IMMP1L: variants seen among roughly 807,000 people sequenced by gnomAD.
IMMP1L encodes inner mitochondrial membrane peptidase subunit 1.
IMMP1L carries 24 observed loss-of-function variants against 21.8 expected under a neutral mutation model. The ratio of observed to expected loss-of-function variants is 1.10; its 90% CI spans 0.80 to 1.55. IMMP1L has a LOEUF of 1.55. Among genes scored for constraint, IMMP1L ranks in the 40% most tolerant of loss-of-function variants. IMMP1L has a pLI of 0.00. For missense variants in IMMP1L, 195 were observed against 200.7 expected, an observed-to-expected ratio of 0.97 and a Z score of 0.17; for synonymous variants, 46 against 62.8, an observed-to-expected ratio of 0.73 and a Z score of 1.26.
chr11:31,501,998 G>C (rs1241720111), intron 1 of IMMP1L, among the ~76,000 whole-genome samples: 1 of 151,090 alleles, frequency 6.6e-6, no homozygotes, highest in East Asian at 1.9e-4. Context: ...AAAAGAAAAA[G>C]AAATGAAAAT....
At position 31,506,658 on chromosome 11, in the gene IMMP1L, T is replaced by TAA. The variant is rs775050688; in HGVS notation, c.-30+2859_-30+2860dup. ...TTGGGAGCAAAGATTTTATCTTTGT[T>TAA]AAAAAAAAAAAAAAAAAAGGCGGCT... On this transcript the variant is annotated intron_variant, in intron 1 of 5. Transcript: ENST00000532287. Among the ~76,000 whole-genome samples, 499 of 125,204 alleles carry TAA rather than the reference T, an allele frequency of 4.0e-3. 1 individual carries two copies. The highest frequency in any genetic ancestry group is 0.013 in the African/African-American group (437 of 34,064). 82.1% of individuals were successfully genotyped at this position (125,204 alleles called of 152,430 possible). A position where few individuals can be genotyped will look rare whatever the true frequency, so the allele number is the denominator to read the frequency against.
chr11:31,451,562 C>T (rs968128636), intron 4 of IMMP1L, among the ~76,000 whole-genome samples: 73 of 152,084 alleles, frequency 4.8e-4, no homozygotes, highest in Admixed American at 4.4e-3. Context: ...ATGGGGTTTT[C>T]TTCCCCATAT....
intron 1 of IMMP1L, among the ~76,000 whole-genome samples, chr11:31,506,949 A>G (rs573335668): frequency 6.7e-6 from 1 of 149,440 alleles, no homozygotes; most frequent in Non-Finnish European, 1.5e-5. Context: ...ACAGAGCGAG[A>G]CTCCGTCTAA....
intron 1 of IMMP1L, among the ~76,000 whole-genome samples, chr11:31,478,702 G>A (rs554294343): frequency 6.6e-6 from 1 of 152,132 alleles, no homozygotes; most frequent in East Asian, 1.9e-4. Flanking sequence ...AAAACTCAGA[G>A]ATTTCATAAA....
intron 4 of IMMP1L, chr11:31,433,867 G>A: frequency 9.7e-6 from 2 of 206,974 alleles, no homozygotes; most frequent in Non-Finnish European, 1.9e-5. Context: ...AGTGTGACAG[G>A]GTCATTAATT....
Position 31,509,564 on chromosome 11 carries a change from G to T in IMMP1L, c.-75C>A, listed in dbSNP as rs1955929567. On this transcript the variant is annotated 5_prime_UTR_variant, in exon 1 of 6. Transcript: ENST00000532287. Reference sequence around the variant, plus strand: ...GGAGACCCTCAACCAGGACACAGGTGGGCCTTTCTCACCTGGGCCCCGCCG... The same window carrying T: ...GGAGACCCTCAACCAGGACACAGGTTGGCCTTTCTCACCTGGGCCCCGCCG... The T allele has an allele frequency of 1.7e-6, 1 of 585,710 alleles. No individual in the cohort carries two copies. The highest frequency in any genetic ancestry group is 1.9e-5 in the African/African-American group (1 of 53,638). 36.3% of individuals were successfully genotyped at this position (585,710 alleles called of 1,614,324 possible). A position where few individuals can be genotyped will look rare whatever the true frequency, so the allele number is the denominator to read the frequency against.
At chr11:31,454,893 T>G (rs2133623957) in intron 4 of IMMP1L, among the ~76,000 whole-genome samples, 1 of 152,332 alleles carries the variant, frequency 6.6e-6, no homozygotes, top group African/African-American at 2.4e-5. Flanking sequence ...GATGCTAAAG[T>G]AATTTAGAAG....
At chr11:31,487,926 T>C (rs1258898192) in intron 1 of IMMP1L, among the ~76,000 whole-genome samples, 1 of 152,184 alleles carries the variant, frequency 6.6e-6, no homozygotes, top group Non-Finnish European at 1.5e-5. Context: ...ATAGTTGCTT[T>C]TGTTGCATAC....
chr11:31,460,934 A>G (rs1148923), intron 2 of IMMP1L, among the ~76,000 whole-genome samples: 7 of 152,200 alleles, frequency 4.6e-5, no homozygotes, highest in Non-Finnish European at 8.8e-5. Context: ...TTGCTTTCAC[A>G]TTATAATGCC....
chr11:31,459,058 T>C (rs1954050079), intron 3 of IMMP1L, among the ~76,000 whole-genome samples: 1 of 152,130 alleles, frequency 6.6e-6, no homozygotes, highest in African/African-American at 2.4e-5. Flanking sequence ...TAATTTGATA[T>C]AAGTTAAAAA....
chr11:31,440,098 C>A (rs1199162632), intron 4 of IMMP1L, among the ~76,000 whole-genome samples: 2 of 152,166 alleles, frequency 1.3e-5, no homozygotes, highest in Non-Finnish European at 2.9e-5. Flanking sequence ...CTTAAGCATA[C>A]CTGTACCCTA....
chr11:31,481,200 C>T (rs1279550322), intron 1 of IMMP1L, among the ~76,000 whole-genome samples: 1 of 152,074 alleles, frequency 6.6e-6, no homozygotes, highest in East Asian at 1.9e-4. Context: ...TCTGTTTGTG[C>T]TGCTAAGCTT....
intron 2 of IMMP1L, among the ~76,000 whole-genome samples, chr11:31,462,316 CAA>C (rs777053056): frequency 6.4e-4 from 46 of 71,862 alleles, no homozygotes; most frequent in Non-Finnish European, 5.3e-4. Flanking sequence ...ACCCTGTCTC[CAA>C]AAAAAAAAAA....
intron 1 of IMMP1L, among the ~76,000 whole-genome samples, chr11:31,499,938 TTAAATAAATAAATAAATAAATAAATAAA>T (rs34485904): frequency 7.1e-6 from 1 of 140,140 alleles, no homozygotes; most frequent in African/African-American, 2.7e-5. Flanking sequence ...GGCTAACTTC[TTAAATAAATAAATAAATAAATAAATAAA>T]TAAATAAATA....
At chr11:31,490,109 T>C (rs866499131) in intron 1 of IMMP1L, among the ~76,000 whole-genome samples, 67 of 152,170 alleles carry the variant, frequency 4.4e-4, no homozygotes, top group African/African-American at 1.5e-3. Context: ...TGAGTAAATA[T>C]TGAGTAACCA....
intron 1 of IMMP1L, among the ~76,000 whole-genome samples, chr11:31,472,554 G>A (rs758611143): frequency 3.9e-5 from 6 of 152,010 alleles, no homozygotes; most frequent in Non-Finnish European, 7.4e-5. Context: ...GGAAGCTTGG[G>A]CACCAAAAAA....
intron 3 of IMMP1L, among the ~76,000 whole-genome samples, chr11:31,457,643 G>C (rs1159894603): frequency 1.3e-5 from 2 of 152,100 alleles, no homozygotes; most frequent in African/African-American, 4.8e-5. Context: ...AAGAAATTAA[G>C]ACCAGTTACA....
chr11:31,448,432 C>T (rs1473322571), intron 4 of IMMP1L, among the ~76,000 whole-genome samples: 2 of 152,190 alleles, frequency 1.3e-5, no homozygotes, highest in Non-Finnish European at 2.9e-5. Context: ...TCACTGAATA[C>T]CTGTGTTACA....
intron 1 of IMMP1L, among the ~76,000 whole-genome samples, chr11:31,474,061 G>A (rs1463563786): frequency 6.6e-6 from 1 of 152,048 alleles, no homozygotes; most frequent in Non-Finnish European, 1.5e-5. Flanking sequence ...AGTTAGATAG[G>A]GAAGGAGAAA....
Sources: gnomAD v4.1 joint callset for allele counts (sites outside exome capture counted in the v4.1 genomes callset) on GRCh38, gnomAD v4.1.1 for gene constraint, MANE v1.5 for transcripts, NCBI Gene and HGNC (gene_info 2026-07-23, HGNC 2026-07-21) for gene names.